Variants in RBMS3 observed in about 807,000 individuals in gnomAD.
RBMS3 encodes the protein RNA binding motif single stranded interacting protein 3, also known as RNA-binding motif, single-stranded-interacting protein 3.
In RBMS3, 27 loss-of-function variants were observed where a neutral mutation model predicts 66.8. The observed-to-expected ratio is 0.40, with a 90% CI of 0.30 to 0.56. The LOEUF (loss-of-function observed/expected upper bound fraction) is 0.56, where lower values mean the gene tolerates loss of function less well. RBMS3 is among the 20% of genes least tolerant of loss of function. The pLI, the probability that RBMS3 is intolerant of heterozygous loss-of-function variation, is 0.40. For missense variants in RBMS3, 513 were observed against 549.5 expected (o/e 0.93, Z 0.66); for synonymous variants, 188 against 183.0 (o/e 1.03, Z -0.22).
intron 2 of RBMS3, among the ~76,000 whole-genome samples, chr3:29,465,137 G>A (rs148486590): frequency 1.3e-5 from 2 of 152,254 alleles, no homozygotes; most frequent in African/African-American, 4.8e-5. Flanking sequence ...CACAATGAAC[G>A]ATGATGATAA....
intron 3 of RBMS3, chr3:29,556,262 A>G (rs911379341): frequency 5.3e-5 from 8 of 152,170 alleles, no homozygotes; most frequent in Non-Finnish European, 5.9e-5. Context: ...TGTTGGTGTA[A>G]TTAGCTTCCC....
At chr3:29,853,180 G>C (rs2058979297) in intron 6 of RBMS3, among the ~76,000 whole-genome samples, 1 of 152,108 alleles carries the variant, frequency 6.6e-6, no homozygotes, top group African/African-American at 2.4e-5. Flanking sequence ...GGAGGAGGGA[G>C]AGGATTAGGA....
chr3:29,360,058 C>G (rs2037475439), intron 1 of RBMS3, among the ~76,000 whole-genome samples: 1 of 152,128 alleles, frequency 6.6e-6, no homozygotes, highest in Non-Finnish European at 1.5e-5. Context: ...CAGTTCTGCT[C>G]TGATCTTAGT....
intron 10 of RBMS3, among the ~76,000 whole-genome samples, chr3:29,902,861 G>A (rs1209638002): frequency 1.3e-5 from 2 of 151,852 alleles, no homozygotes; most frequent in South Asian, 2.1e-4. Context: ...GGGCTCTAAT[G>A]TCTCAATCTG....
intron 7 of RBMS3, among the ~76,000 whole-genome samples, chr3:29,869,298 A>G (rs1441606673): frequency 6.6e-6 from 1 of 152,152 alleles, no homozygotes; most frequent in African/African-American, 2.4e-5. Context: ...ACTTAACAAA[A>G]TATTTTCAGT....
chr3:29,398,903 T>C (rs2125660724), intron 1 of RBMS3, among the ~76,000 whole-genome samples: 1 of 152,252 alleles, frequency 6.6e-6, no homozygotes, highest in Non-Finnish European at 1.5e-5. Context: ...ATTGGTTTTG[T>C]TTTTATGTGT....
At chr3:29,700,987 A>G (rs1293383711) in intron 4 of RBMS3, among the ~76,000 whole-genome samples, 2 of 152,192 alleles carry the variant, frequency 1.3e-5, no homozygotes, top group Non-Finnish European at 1.5e-5. Flanking sequence ...TAGGCTAGCT[A>G]AACCATTTGA....
chr3:29,744,108 A>AT (rs2054766331), intron 5 of RBMS3, among the ~76,000 whole-genome samples: 1 of 151,564 alleles, frequency 6.6e-6, no homozygotes, highest in African/African-American at 2.4e-5. Context: ...GTTGTCTGTG[A>AT]TTTTTCCAGG....
intron 2 of RBMS3, among the ~76,000 whole-genome samples, chr3:29,466,683 G>A (rs2042555582): frequency 6.6e-6 from 1 of 152,150 alleles, no homozygotes; most frequent in Admixed American, 6.5e-5. Flanking sequence ...ACCTACTTAA[G>A]GAAGCAGGAG....
At chr3:29,715,477 T>G (rs1350793744) in intron 4 of RBMS3, among the ~76,000 whole-genome samples, 3 of 152,146 alleles carry the variant, frequency 2.0e-5, no homozygotes, top group African/African-American at 7.2e-5. Flanking sequence ...ATTTCCGCCT[T>G]CAATTTAAGC....
intron 6 of RBMS3, among the ~76,000 whole-genome samples, chr3:29,796,061 A>G (rs2057171355): frequency 6.6e-6 from 1 of 152,238 alleles, no homozygotes; most frequent in Non-Finnish European, 1.5e-5. Context: ...GACTACTGCA[A>G]TAAAGCAAAT....
chr3:29,824,014 A>G (rs1332180902), intron 6 of RBMS3, among the ~76,000 whole-genome samples: 2 of 152,092 alleles, frequency 1.3e-5, no homozygotes, highest in Non-Finnish European at 2.9e-5. Context: ...AAATTTAGCC[A>G]TTAATGGCTT....
intron 12 of RBMS3, among the ~76,000 whole-genome samples, chr3:29,983,995 T>G (rs767807716): frequency 6.6e-6 from 1 of 152,210 alleles, no homozygotes; most frequent in Non-Finnish European, 1.5e-5. Flanking sequence ...GATAATATCC[T>G]GAAGAGCGTT....
intron 2 of RBMS3, 85 bp from the exon 3 acceptor site, chr3:29,488,356 T>C (rs1310545023): frequency 8.7e-7 from 1 of 1,152,116 alleles, no homozygotes; most frequent in Non-Finnish European, 1.3e-6. Flanking sequence ...TGCTCAGTTG[T>C]GTGTGCCCCG....
chr3:29,559,673 A>G lies in RBMS3; in HGVS notation c.308-27441A>G, dbSNP rs1343665368. On this transcript the variant is annotated intron_variant, in intron 3 of 14. Coordinates refer to ENST00000383767, the MANE Select transcript of RBMS3 (RefSeq NM_001003793.3). ...GTCTACAAAACTATATAAACCATCT[A>G]TTAATGTTCTGCAAGTAAGTGGTCC... Among the ~76,000 whole-genome samples, 5 of 152,112 alleles carry G rather than the reference A, an allele frequency of 3.3e-5. No homozygotes were observed. In the East Asian group the frequency reaches 7.7e-4, roughly 24 times the overall value.
At chr3:29,309,174 G>A (rs1481173409) in intron 1 of RBMS3, among the ~76,000 whole-genome samples, 8 of 151,436 alleles carry the variant, frequency 5.3e-5, no homozygotes, top group Non-Finnish European at 3.0e-5. Flanking sequence ...GAGTCCAAAC[G>A]CATCCTGCTG....
At chr3:29,380,215 C>T (rs2038696710) in intron 1 of RBMS3, among the ~76,000 whole-genome samples, 1 of 79,200 alleles carries the variant, frequency 1.3e-5, no homozygotes, top group African/African-American at 6.8e-5. Context: ...GGGAATCTCA[C>T]ACACACACAC....
At chr3:29,992,234 A>C (rs1264686590) in intron 14 of RBMS3, among the ~76,000 whole-genome samples, 1 of 152,196 alleles carries the variant, frequency 6.6e-6, no homozygotes, top group African/African-American at 2.4e-5. Flanking sequence ...TTAAAACATT[A>C]AGAAATAATT....
intron 4 of RBMS3, among the ~76,000 whole-genome samples, chr3:29,719,750 C>T (rs2053562953): frequency 6.6e-6 from 1 of 152,116 alleles, no homozygotes; most frequent in African/African-American, 2.4e-5. Context: ...TCTCAAATTC[C>T]TCAAATTCTG....
Sources: allele counts gnomAD v4.1 joint callset (sites outside exome capture counted in the v4.1 genomes callset), GRCh38; gene constraint gnomAD v4.1.1; transcripts MANE v1.5; gene names NCBI Gene and HGNC (gene_info 2026-07-23, HGNC 2026-07-21).